The following ADAMDEC1 variants were observed in gnomAD, a reference collection of about 807,000 sequenced individuals.
ADAMDEC1 encodes the protein ADAM like decysin 1.
Under a neutral mutation model 60.4 loss-of-function variants are expected in ADAMDEC1, and 62 were observed. The ratio of observed to expected loss-of-function variants is 1.03; its 90% CI spans 0.84 to 1.27. The LOEUF (loss-of-function observed/expected upper bound fraction) is 1.27. Among genes scored for constraint, ADAMDEC1 ranks in the 50% most tolerant of loss-of-function variants. The pLI is 0.00. For missense variants in ADAMDEC1, 595 were observed against 565.0 expected, an observed-to-expected ratio of 1.05 and a Z score of -0.54; for synonymous variants, 210 against 195.1, an observed-to-expected ratio of 1.08 and a Z score of -0.64.
At chr8:24,391,118 A>C (rs887697469) in intron 1 of ADAMDEC1, among the ~76,000 whole-genome samples, 3 of 152,164 alleles carry the variant, frequency 2.0e-5, no homozygotes, top group African/African-American at 7.2e-5. Context: ...ACAGCATTAC[A>C]GCAGAACTTT....
chr8:24,401,079 G>A (rs1381038929), intron 11 of ADAMDEC1, among the ~76,000 whole-genome samples: 1 of 151,884 alleles, frequency 6.6e-6, no homozygotes, highest in African/African-American at 2.4e-5. Flanking sequence ...GCTATTATGA[G>A]TAGTTTTCCA....
chr8:24,386,489 C>T (rs1817296508), intron 1 of ADAMDEC1, among the ~76,000 whole-genome samples: 1 of 152,176 alleles, frequency 6.6e-6, no homozygotes, highest in Non-Finnish European at 1.5e-5. Context: ...GGAGGGATTG[C>T]AAGAAGGTTT....
At chr8:24,401,817 A>G in intron 11 of ADAMDEC1, 98 bp from the exon 12 acceptor site, 1 of 1,093,640 alleles carries the variant, frequency 9.1e-7, no homozygotes, top group Non-Finnish European at 1.3e-6. Flanking sequence ...ATACAGTTAG[A>G]TAAATCAGAG....
Position 24,397,401 on chromosome 8 carries a change from G to A in ADAMDEC1, c.572G>A (p.Ser191Asn). Residue 191 changes from serine (S) to asparagine (N), a missense_variant, in exon 6 of 14, where the codon AGC (serine) becomes AAC (asparagine). Physicochemically the swap from Ser to Asn is conservative, Grantham distance 46. Transcript: ENST00000256412. ...DPANHTCGVKSTDGKQGPIRI... is the reference protein window; with the variant it reads ...DPANHTCGVKNTDGKQGPIRI... Reference sequence around the variant, plus strand: ...GCTAACCACACATGTGGTGTGAAGAGCACTGACGGGAAACAAGGCCCAATT... The same window carrying A: ...GCTAACCACACATGTGGTGTGAAGAACACTGACGGGAAACAAGGCCCAATT... The A allele has an allele frequency of 6.2e-7, 1 of 1,614,026 alleles. No homozygotes were observed.
intron 1 of ADAMDEC1, 37 bp from the exon 2 acceptor site, chr8:24,392,225 T>G: frequency 6.6e-7 from 1 of 1,512,530 alleles, no homozygotes; most frequent in Non-Finnish European, 9.0e-7. Context: ...CCAAAACCTT[T>G]AAATCTTTTA....
intron 1 of ADAMDEC1, among the ~76,000 whole-genome samples, chr8:24,385,421 G>A (rs1817267138): frequency 6.6e-6 from 1 of 152,064 alleles, no homozygotes; most frequent in Admixed American, 6.6e-5. Context: ...ATACCCAAAA[G>A]AAGGATAAAA....
intron 7 of ADAMDEC1, among the ~76,000 whole-genome samples, chr8:24,398,151 T>A (rs970993404): frequency 4.0e-5 from 6 of 151,626 alleles, no homozygotes; most frequent in Non-Finnish European, 5.9e-5. Flanking sequence ...AATACTAGAA[T>A]CTACATTTCT....
chr8:24,396,295 G>A (rs1005667488), intron 5 of ADAMDEC1, among the ~76,000 whole-genome samples: 7 of 152,166 alleles, frequency 4.6e-5, no homozygotes, highest in Non-Finnish European at 1.0e-4. Flanking sequence ...CAGATCAGGA[G>A]GTCAGAAGAT....
chr8:24,399,825 G>A (rs190564075), intron 10 of ADAMDEC1, among the ~76,000 whole-genome samples: 4 of 152,234 alleles, frequency 2.6e-5, no homozygotes, highest in Non-Finnish European at 4.4e-5. Flanking sequence ...GGTGCATGCA[G>A]GTGTCATATG....
At chr8:24,404,158 C>A in intron 13 of ADAMDEC1, 70 bp downstream of exon 13, 1 of 1,364,340 alleles carries the variant, frequency 7.3e-7, no homozygotes, top group South Asian at 1.2e-5. Context: ...AAAAATATGC[C>A]ACTGGGTTCC....
Position 24,398,919 on chromosome 8 carries a change from A to G in ADAMDEC1, c.808A>G (p.Ile270Val). 6.2e-7 allele frequency: 1 copy of G among 1,613,906 alleles called. No individual in the cohort carries two copies. The highest frequency in any genetic ancestry group is 1.1e-5 in the South Asian group (1 of 91,072). The change falls in exon 9 of 14, where the codon ATC becomes GTC. Residue 270 changes from isoleucine to valine, a missense_variant. Coordinates refer to ENST00000256412, the MANE Select transcript of ADAMDEC1 (RefSeq NM_014479.3). ...DVQVALVGMEIWSDGDKIKVV... is the reference protein window; with the variant it reads ...DVQVALVGMEVWSDGDKIKVV... ...TCAAGTGGCCTTGGTAGGTATGGAA[A>G]TCTGGTCTGATGGGGATAAGATAAA...
At chr8:24,393,387 T>A (rs766535628) in intron 3 of ADAMDEC1, 49 bp downstream of exon 3, 1 of 1,317,176 alleles carries the variant, frequency 7.6e-7, no homozygotes, top group Non-Finnish European at 1.1e-6. Flanking sequence ...GTTATGAAAT[T>A]GGGGAGCAAT....
intron 1 of ADAMDEC1, chr8:24,390,024 T>A (rs1359531535): frequency 5.4e-6 from 2 of 370,536 alleles, no homozygotes; most frequent in Non-Finnish European, 1.1e-5. Context: ...TAATGTATGC[T>A]TCATATGTAT....
At chr8:24,395,149 G>T (rs931239902) in intron 4 of ADAMDEC1, among the ~76,000 whole-genome samples, 2 of 152,242 alleles carry the variant, frequency 1.3e-5, no homozygotes, top group African/African-American at 2.4e-5. Context: ...CTGATAAAGG[G>T]ATTCCACTAA....
At position 24,384,599 on chromosome 8, in the gene ADAMDEC1, A is replaced by G; in HGVS notation, c.88+7A>G. 6.2e-7 allele frequency: 1 copy of G among 1,600,786 alleles called. No individual in the cohort carries two copies. Among genetic ancestry groups the G allele is most frequent in the Non-Finnish European group, 8.5e-7 (1 of 1,174,826 alleles). Reference sequence around the variant, plus strand: ...CTCATTGTTCAAACTCAAGGTACGTACCATCACACCAGCATTTTACATAAA... The same window carrying G: ...CTCATTGTTCAAACTCAAGGTACGTGCCATCACACCAGCATTTTACATAAA... On this transcript the variant is annotated splice_region_variant and intron_variant, in intron 1 of 13. Coordinates refer to ENST00000256412, the MANE Select transcript of ADAMDEC1 (RefSeq NM_014479.3).
In ADAMDEC1 at chr8:24,404,031, T is replaced by C; in HGVS notation, c.1349T>C (p.Leu450Pro). The C allele has an allele frequency of 6.2e-7, 1 of 1,613,748 alleles. No individual in the cohort carries two copies. The highest frequency in any genetic ancestry group is 8.5e-7 in the Non-Finnish European group (1 of 1,179,770). Reference protein sequence around the residue: ...KECTNLCCEALTCKLKPGTDC... With the variant: ...KECTNLCCEAPTCKLKPGTDC... ...TGTACCAATCTCTGCTGTGAAGCCC[T>C]AACGTGTAAACTGAAGCCTGGAACT... The change falls in exon 13 of 14, where the codon CTA (leucine) becomes CCA (proline). Residue 450 changes from leucine to proline, a missense_variant. Physicochemically the swap from Leu to Pro is moderately conservative, Grantham distance 98. Transcript: ENST00000256412.
At chr8:24,403,876 T>C (rs1817824180) in intron 12 of ADAMDEC1, 127 bp from the exon 13 acceptor site, 1 of 638,956 alleles carries the variant, frequency 1.6e-6, no homozygotes, top group African/African-American at 1.8e-5. Flanking sequence ...TCACTGGAAT[T>C]TGCCTATCAG....
At chr8:24,394,401 C>T (rs1354843683) in intron 4 of ADAMDEC1, among the ~76,000 whole-genome samples, 2 of 152,130 alleles carry the variant, frequency 1.3e-5, no homozygotes, top group Admixed American at 1.3e-4. Context: ...TTTTTGGAAG[C>T]AACCAAAAGT....
intron 11 of ADAMDEC1, 52 bp from the exon 12 acceptor site, chr8:24,401,863 C>T: frequency 7.4e-7 from 1 of 1,357,280 alleles, no homozygotes; most frequent in Non-Finnish European, 1.0e-6. Flanking sequence ...GTGTTTCACG[C>T]AGAAGGCACC....
Sources: gnomAD v4.1 joint callset for allele counts (sites outside exome capture counted in the v4.1 genomes callset) on GRCh38, gnomAD v4.1.1 for gene constraint, MANE v1.5 for transcripts, NCBI Gene and HGNC (gene_info 2026-07-23, HGNC 2026-07-21) for gene names.